The following USH2A variants were observed in gnomAD, a reference collection of about 807,000 sequenced individuals.
The protein encoded by USH2A is usherin, also known as Usher syndrome 2A (autosomal recessive, mild).
Under a neutral mutation model 538.9 loss-of-function variants are expected in USH2A, and 443 were observed. That is an observed-to-expected ratio of 0.82 (90% CI 0.76 to 0.89). The LOEUF is 0.89. Ranked by LOEUF, USH2A falls within the 40% of genes least tolerant of loss-of-function variation. USH2A has a pLI of 0.00. For synonymous variants in USH2A, 2,413 were observed against 2,273.5 expected (o/e 1.06, Z -1.75); for missense variants, 6,633 against 6,324.8 (o/e 1.05, Z -1.65).
chr1:216,136,161 T>G (rs887377736), intron 21 of USH2A, among the ~76,000 whole-genome samples: 11 of 151,878 alleles, frequency 7.2e-5, no homozygotes, highest in Admixed American at 2.6e-4. Context: ...CCAGCAGGAG[T>G]TGACAATGAA....
chr1:215,728,403 G>T lies in USH2A; in HGVS notation c.11712-19C>A, dbSNP rs901540341. ...AGGGCGTCTGAAAGGAAACCAAGCA[G>T]GCAACCAGTGACAGCTGCACACTTC... On this transcript the variant is annotated intron_variant, in intron 60 of 71. Transcript: ENST00000307340. 1 of 1,611,800 alleles carries T rather than the reference G, an allele frequency of 6.2e-7. No individual in the cohort carries two copies. The highest frequency in any genetic ancestry group is 1.3e-5 in the African/African-American group (1 of 74,872).
intron 61 of USH2A, among the ~76,000 whole-genome samples, chr1:215,695,661 G>A (rs1571965507): frequency 3.3e-5 from 5 of 152,320 alleles, no homozygotes; most frequent in Admixed American, 3.3e-4. Context: ...AGAAGCTACA[G>A]CTGACCTCTG....
At chr1:216,055,421 T>A (rs2102532892) in intron 30 of USH2A, among the ~76,000 whole-genome samples, 1 of 152,320 alleles carries the variant, frequency 6.6e-6, no homozygotes, top group South Asian at 2.1e-4. Flanking sequence ...AAGAAGAGAC[T>A]TCTGGCTGAG....
At chr1:215,773,486 C>CTG (rs1335738486) in intron 55 of USH2A, among the ~76,000 whole-genome samples, 82 of 99,028 alleles carry the variant, frequency 8.3e-4, no homozygotes, top group African/African-American at 4.3e-3. Context: ...GTCTCTCTGT[C>CTG]TCTCTGTCTC....
chr1:216,041,691 T>A (rs1419573192), intron 32 of USH2A, among the ~76,000 whole-genome samples: 2 of 152,056 alleles, frequency 1.3e-5, no homozygotes, highest in Admixed American at 1.3e-4. Flanking sequence ...GGATAGCTCG[T>A]GGAGAAGTCT....
intron 21 of USH2A, among the ~76,000 whole-genome samples, chr1:216,135,424 A>G (rs1437528880): frequency 6.6e-6 from 1 of 152,136 alleles, no homozygotes. Context: ...TTGAGCTGCC[A>G]TATTAACTTA....
chr1:216,231,522 G>A (rs1176162370), intron 14 of USH2A, among the ~76,000 whole-genome samples: 3 of 146,256 alleles, frequency 2.1e-5, no homozygotes, highest in African/African-American at 5.0e-5. Context: ...TGGATGTCAC[G>A]GAACAAAAAA....
intron 32 of USH2A, among the ~76,000 whole-genome samples, chr1:216,028,302 G>A (rs1196775050): frequency 6.6e-6 from 1 of 151,904 alleles, no homozygotes; most frequent in Non-Finnish European, 1.5e-5. Flanking sequence ...GCAGGAGAAT[G>A]GCTTGAACCC....
chr1:216,008,158 C>A (rs1374494899), intron 32 of USH2A, among the ~76,000 whole-genome samples: 1 of 152,158 alleles, frequency 6.6e-6, no homozygotes, highest in East Asian at 1.9e-4. Context: ...GGCCTCTGAG[C>A]CCAAGCTAAG....
Position 216,237,130 on chromosome 1 carries a change from T to A in USH2A, c.2810-4994A>T, listed in dbSNP as rs917061900. Reference sequence around the variant, plus strand: ...TGTGCCATTCCAACCATCTCCAGAATTTCTCCAACTAAGTTCTCGGAGATA... The same window carrying A: ...TGTGCCATTCCAACCATCTCCAGAAATTCTCCAACTAAGTTCTCGGAGATA... On this transcript the variant is annotated intron_variant, in intron 13 of 71. Transcript: ENST00000307340. Among the ~76,000 whole-genome samples the A allele has an allele frequency of 2.0e-5, 3 of 152,206 alleles. No individual in the cohort carries two copies. In the East Asian group the frequency reaches 5.8e-4, roughly 29 times the overall value.
chr1:216,166,045 C>CG (rs1019976344), intron 21 of USH2A, among the ~76,000 whole-genome samples: 31 of 151,992 alleles, frequency 2.0e-4, no homozygotes, highest in African/African-American at 7.5e-4. Flanking sequence ...CCTGAACAAC[C>CG]TGTCTTAATA....
At chr1:215,779,553 A>G (rs1383818283) in intron 55 of USH2A, among the ~76,000 whole-genome samples, 2 of 152,184 alleles carry the variant, frequency 1.3e-5, no homozygotes, top group Admixed American at 1.3e-4. Context: ...ATGAAAATGC[A>G]TCTTACTGTT....
chr1:215,958,778 T>C (rs1571847098), intron 37 of USH2A, among the ~76,000 whole-genome samples: 1 of 152,162 alleles, frequency 6.6e-6, no homozygotes, highest in Non-Finnish European at 1.5e-5. Context: ...ACTACCATTA[T>C]GTCTCAGGTA....
intron 38 of USH2A, among the ~76,000 whole-genome samples, chr1:215,915,229 A>C (rs368424196): frequency 2.6e-5 from 4 of 152,138 alleles, no homozygotes; most frequent in South Asian, 4.2e-4. Context: ...GTTATTTTAA[A>C]CAATGTTGTT....
chr1:215,894,314 T>G (rs1665272900), intron 40 of USH2A, among the ~76,000 whole-genome samples: 2 of 152,222 alleles, frequency 1.3e-5, no homozygotes, highest in South Asian at 4.1e-4. Flanking sequence ...CAAGTGAAAC[T>G]TTAAATTCTA....
intron 58 of USH2A, among the ~76,000 whole-genome samples, chr1:215,756,083 T>C (rs1660786593): frequency 1.3e-5 from 2 of 152,182 alleles, no homozygotes; most frequent in South Asian, 2.1e-4. Flanking sequence ...TCACCATTGG[T>C]ATCTATAGAA....
At chr1:216,256,060 T>C (rs1179650355) in intron 11 of USH2A, among the ~76,000 whole-genome samples, 1 of 152,128 alleles carries the variant, frequency 6.6e-6, no homozygotes, top group Non-Finnish European at 1.5e-5. Flanking sequence ...TCACCCTAGA[T>C]TTCTTATGAT....
chr1:215,633,656 A>T (rs746421423), intron 70 of USH2A, among the ~76,000 whole-genome samples: 4 of 152,148 alleles, frequency 2.6e-5, no homozygotes, highest in Non-Finnish European at 5.9e-5. Context: ...GCAAACTGGA[A>T]AAAAGGCACC....
chr1:215,867,893 AT>A (rs35156127), intron 43 of USH2A, among the ~76,000 whole-genome samples: 21 of 151,552 alleles, frequency 1.4e-4, no homozygotes, highest in East Asian at 1.2e-3. Context: ...TAAAGCCACC[AT>A]TTTTTTTTAA....
Sources: allele counts gnomAD v4.1 joint callset (sites outside exome capture counted in the v4.1 genomes callset), GRCh38; gene constraint gnomAD v4.1.1; transcripts MANE v1.5; gene names NCBI Gene and HGNC (gene_info 2026-07-23, HGNC 2026-07-21).